Variants in PF4V1 observed in about 807,000 individuals in gnomAD.
PF4V1 encodes platelet factor 4 variant 1, also known as platelet factor 4 variant.
A neutral mutation model predicts 6.9 loss-of-function variants in PF4V1; 4 were observed. The ratio of observed to expected loss-of-function variants is 0.58; its 90% confidence interval spans 0.29 to 1.34. The LOEUF is 1.34. Among genes scored for constraint, PF4V1 ranks in the 40% most tolerant of loss-of-function variants. The pLI, the probability that PF4V1 is intolerant of heterozygous loss-of-function variation, is 0.09. For synonymous variants in PF4V1, 68 were observed against 55.9 expected, an observed-to-expected ratio of 1.22 and a Z score of -0.97; for missense variants, 127 against 128.6, an observed-to-expected ratio of 0.99 and a Z score of 0.06.
Position 73,854,121 on chromosome 4 carries a change from A to G in PF4V1, c.314A>G (p.Ter105TrpextTer5). 2 of 1,608,442 alleles carry G rather than the reference A, an allele frequency of 1.2e-6. No homozygotes were observed. The highest frequency in any genetic ancestry group is 1.7e-6 in the Non-Finnish European group (2 of 1,174,748). Residue 105 changes from the stop codon to tryptophan (W), a stop_lost, in exon 3 of 3, where the codon TAG becomes TGG. Coordinates refer to ENST00000226524, the MANE Select transcript of PF4V1 (RefSeq NM_002620.4). The part of the protein sequence containing the change: ...KKIIKEHLES[*>W] ...ATCATTAAGGAACATTTGGAGAGTT[A>G]GCTACTAGCTGCCTAAGTGTGCACT...
Position 73,854,200 on chromosome 4 carries a change from A to C in PF4V1, c.*78A>C, listed in dbSNP as rs1287325465. The stretch of plus-strand genomic sequence containing the variant: ...ATGTTTGTATTATCCTTCTTATATT[A>C]TATTAACGAAATAAATCAAGTTGTG... On this transcript the variant is annotated 3_prime_UTR_variant, in exon 3 of 3. Coordinates refer to ENST00000226524, the MANE Select transcript of PF4V1 (RefSeq NM_002620.4). The C allele has an allele frequency of 1.0e-5, 10 of 993,002 alleles. No homozygotes were observed. In the Admixed American group the frequency reaches 2.0e-4, roughly 19 times the overall value. The allele number at this position is 993,002 out of a possible 1,614,324, so 61.5% of individuals were successfully genotyped here. A position where few individuals can be genotyped will look rare whatever the true frequency, so the allele number is the denominator to read the frequency against.
At chr4:73,853,561 T>G in intron 1 of PF4V1, 99 bp downstream of exon 1, 1 of 1,415,484 alleles carries the variant, frequency 7.1e-7, no homozygotes, top group South Asian at 1.3e-5. Context: ...TGATCGCAGC[T>G]GCTCTTATTG....
Position 73,853,801 on chromosome 4 carries a change from G to A in PF4V1, c.119G>A (p.Gly40Glu), listed in dbSNP as rs1240639402. Residue 40 changes from glycine to glutamate, a missense_variant, in exon 2 of 3, where the codon GGG becomes GAG. By Grantham distance (98) the Gly-to-Glu change is moderately conservative. Transcript: ENST00000226524. ...AFARAEAEED[G>E]DLQCLCVKTT... ...CCCTCAGCTGAAGCTGAAGAAGATG[G>A]GGACCTGCAGTGCCTGTGTGTGAAG... The A allele has an allele frequency of 2.5e-6, 4 of 1,612,096 alleles. No individual in the cohort carries two copies. Among genetic ancestry groups the A allele is most frequent in the Admixed American group, 3.3e-5 (2 of 59,780 alleles).
intron 2 of PF4V1, 62 bp from the exon 3 acceptor site, chr4:73,853,973 C>A: frequency 1.2e-6 from 2 of 1,609,166 alleles, no homozygotes; most frequent in South Asian, 1.1e-5. Flanking sequence ...ATCCCTCCCC[C>A]TTCTAATGCC....
intron 1 of PF4V1, 38 bp from the exon 2 acceptor site, chr4:73,853,745 C>A: frequency 6.3e-7 from 1 of 1,574,820 alleles, no homozygotes; most frequent in Non-Finnish European, 8.6e-7. Context: ...ACAACTCCCA[C>A]CCCTCCTCCT....
chr4:73,853,511 C>G (rs966560432), intron 1 of PF4V1, 49 bp downstream of exon 1: 1 of 1,548,244 alleles, frequency 6.5e-7, no homozygotes, highest in Non-Finnish European at 8.8e-7. Context: ...GAGGGGGAGT[C>G]CGGGAAGCCC....
At chr4:73,853,581 T>C in intron 1 of PF4V1, 119 bp downstream of exon 1, 1 of 1,346,256 alleles carries the variant, frequency 7.4e-7, no homozygotes, top group South Asian at 1.4e-5. Context: ...GCGCGCGTGC[T>C]GAGTCTGCGG....
In PF4V1 at chr4:73,854,225, G is replaced by A; in HGVS notation, c.*103G>A. 9 of 758,772 alleles carry A rather than the reference G, an allele frequency of 1.2e-5. No homozygotes were observed. The highest frequency in any genetic ancestry group is 2.7e-5 in the East Asian group (1 of 36,718). 47.0% of individuals were successfully genotyped at this position (758,772 alleles called of 1,614,324 possible). A position where few individuals can be genotyped will look rare whatever the true frequency, so the allele number is the denominator to read the frequency against. On this transcript the variant is annotated 3_prime_UTR_variant, in exon 3 of 3. Transcript: ENST00000226524. ...ATATTAACGAAATAAATCAAGTTGT[G>A]GTATAGTCAATCTATTTCTTAATAA...
At position 73,853,476 on chromosome 4, in the gene PF4V1, C is replaced by G. The variant is rs1446414458; in HGVS notation, c.100+14C>G. ...CCTTCGCCAGAGGTGAGAGCAGAAACCAGGCTGGGAGGGCCAGCAGCGGCG... is the reference window on the plus strand; with the variant it reads ...CCTTCGCCAGAGGTGAGAGCAGAAAGCAGGCTGGGAGGGCCAGCAGCGGCG... On this transcript the variant is annotated intron_variant, in intron 1 of 2. Coordinates refer to ENST00000226524, the MANE Select transcript of PF4V1 (RefSeq NM_002620.4). The G allele has an allele frequency of 6.3e-7, 1 of 1,598,386 alleles. No individual in the cohort carries two copies. The highest frequency in any genetic ancestry group is 8.5e-7 in the Non-Finnish European group (1 of 1,171,788).
rs758783882 is a variant in PF4V1, at chr4:73,853,316, C to T, written c.-47C>T. 5.3e-6 allele frequency: 8 copies of T among 1,503,304 alleles called. No homozygotes were observed. The highest frequency in any genetic ancestry group is 2.3e-5 in the South Asian group (2 of 88,382). 93.1% of individuals were successfully genotyped at this position (1,503,304 alleles called of 1,614,324 possible). On this transcript the variant is annotated 5_prime_UTR_variant, in exon 1 of 3. Coordinates refer to ENST00000226524, the MANE Select transcript of PF4V1 (RefSeq NM_002620.4). ...GAGTCACTGCCTGCAGAACCCCAGC[C>T]CGACTTTCCCTGCGCACTGGGATCC... is the stretch of plus-strand genomic sequence containing the variant.
rs776942151 is a variant in PF4V1, at chr4:73,853,461, A to T, written c.99A>T (p.Arg33Ser). 1.2e-6 allele frequency: 2 copies of T among 1,610,092 alleles called. No individual in the cohort carries two copies. The change falls in exon 1 of 3, where the codon AGA (arginine) becomes AGT (serine). Residue 33 changes from arginine to serine, a missense_variant and splice_region_variant. By Grantham distance (110) the Arg-to-Ser change is moderately radical. Coordinates refer to ENST00000226524, the MANE Select transcript of PF4V1 (RefSeq NM_002620.4). ...LLLPVVVAFA[R>S]AEAEEDGDLQ... ...TGCCAGTTGTGGTCGCCTTCGCCAG[A>T]GGTGAGAGCAGAAACCAGGCTGGGA...
Position 73,853,470 on chromosome 4 carries a change from C to G in PF4V1, c.100+8C>G, listed in dbSNP as rs1260802567. The G allele has an allele frequency of 2.5e-6, 4 of 1,604,726 alleles. No individual in the cohort carries two copies. The highest frequency in any genetic ancestry group is 3.4e-6 in the Non-Finnish European group (4 of 1,175,104). On this transcript the variant is annotated splice_region_variant and intron_variant, in intron 1 of 2. Transcript: ENST00000226524. ...TGGTCGCCTTCGCCAGAGGTGAGAGCAGAAACCAGGCTGGGAGGGCCAGCA... is the reference window on the plus strand; with the variant it reads ...TGGTCGCCTTCGCCAGAGGTGAGAGGAGAAACCAGGCTGGGAGGGCCAGCA...
In PF4V1 at chr4:73,853,909, T is replaced by C; in HGVS notation, c.227T>C (p.Ile76Thr). Residue 76 changes from isoleucine to threonine, a missense_variant and splice_region_variant, in exon 2 of 3, where the codon ATA (isoleucine) becomes ACA (threonine). Ile to Thr is a moderately conservative substitution (Grantham distance 89, BLOSUM62 -1). Transcript: ENST00000226524. Reference sequence around the variant, plus strand: ...CCCCACTGCCCCACTGCCCAACTCATGTGAGTCCTCGCACTGCATCAGTTA... The same window carrying C: ...CCCCACTGCCCCACTGCCCAACTCACGTGAGTCCTCGCACTGCATCAGTTA... ...AGPHCPTAQL[I>T]ATLKNGRKIC... is the part of the protein sequence containing the mutation. 1 of 1,603,748 alleles carries C rather than the reference T, an allele frequency of 6.2e-7. No homozygotes were observed. The highest frequency in any genetic ancestry group is 8.5e-7 in the Non-Finnish European group (1 of 1,174,186).
chr4:73,853,449 C>G lies in PF4V1; in HGVS notation c.87C>G (p.Val29=). 6.2e-7 allele frequency: 1 copy of G among 1,613,226 alleles called. No homozygotes were observed. The highest frequency in any genetic ancestry group is 1.1e-5 in the South Asian group (1 of 90,880). ...FLALLLLPVV[V]AFARAEAEED... is the part of the protein sequence containing the mutation. ...CGTTGCTGCTCCTGCCAGTTGTGGT[C>G]GCCTTCGCCAGAGGTGAGAGCAGAA... is the stretch of plus-strand genomic sequence containing the variant. The change falls in exon 1 of 3, where the codon GTC becomes GTG. Residue 29 remains valine (V), a synonymous_variant. Coordinates refer to ENST00000226524, the MANE Select transcript of PF4V1 (RefSeq NM_002620.4).
At position 73,853,406 on chromosome 4, in the gene PF4V1, AGGAGATGCT is replaced by A. The variant is rs769388789; in HGVS notation, c.46_54del (p.Glu16_Leu18del). The A allele has an allele frequency of 1.9e-6, 3 of 1,614,156 alleles. No homozygotes were observed. Among genetic ancestry groups the A allele is most frequent in the Admixed American group, 3.3e-5 (2 of 60,032 alleles). ...TCCCGCCTCACCCGCGCCACCCGCC[AGGAGATGCT>A]GTTCTTGGCGTTGCTGCTCCTGCCA... On this transcript the variant is annotated inframe_deletion, in exon 1 of 3. Coordinates refer to ENST00000226524, the MANE Select transcript of PF4V1 (RefSeq NM_002620.4).
rs768888535 is a variant in PF4V1, at chr4:73,854,012, GTCTCT to G, written c.228-16_228-12del. The G allele has an allele frequency of 4.9e-5, 79 of 1,612,644 alleles. No homozygotes were observed. The highest frequency in any genetic ancestry group is 1.2e-5 in the Non-Finnish European group (14 of 1,179,268). On this transcript the variant is annotated intron_variant, in intron 2 of 2. Transcript: ENST00000226524. ...TGCAAACCCAAGGACTGAAAGTCAC[GTCTCT>G]TCTCTTTTCCCTGCCAGAGCCACGC...
In PF4V1 at chr4:73,853,607, C is replaced by CTGCACG. The variant is rs1472293854; in HGVS notation, c.100+151_100+156dup. 4 of 1,277,194 alleles carry CTGCACG rather than the reference C, an allele frequency of 3.1e-6. No homozygotes were observed. The African/African-American group carries it at 5.9e-5, about 19-fold the overall frequency. 79.1% of individuals were successfully genotyped at this position (1,277,194 alleles called of 1,614,324 possible). A position where few individuals can be genotyped will look rare whatever the true frequency, so the allele number is the denominator to read the frequency against. On this transcript the variant is annotated intron_variant, in intron 1 of 2. Coordinates refer to ENST00000226524, the MANE Select transcript of PF4V1 (RefSeq NM_002620.4). ...GAGTCTGCGGGTACAGTGCCAGGCA[C>CTGCACG]TGCACGTGCACCTCGCCACCTGATC... is the stretch of plus-strand genomic sequence containing the variant.
At position 73,854,123 on chromosome 4, in the gene PF4V1, C is replaced by T. The variant is rs1731491544; in HGVS notation, c.*1C>T. 4 of 1,605,970 alleles carry T rather than the reference C, an allele frequency of 2.5e-6. No homozygotes were observed. The highest frequency in any genetic ancestry group is 3.4e-6 in the Non-Finnish European group (4 of 1,172,660). Reference sequence around the variant, plus strand: ...CATTAAGGAACATTTGGAGAGTTAGCTACTAGCTGCCTAAGTGTGCACTTT... The same window carrying T: ...CATTAAGGAACATTTGGAGAGTTAGTTACTAGCTGCCTAAGTGTGCACTTT... On this transcript the variant is annotated 3_prime_UTR_variant, in exon 3 of 3. Transcript: ENST00000226524.
At chr4:73,853,494 C>A in intron 1 of PF4V1, 32 bp downstream of exon 1, 1 of 1,572,278 alleles carries the variant, frequency 6.4e-7, no homozygotes, top group Non-Finnish European at 8.6e-7. Flanking sequence ...GGAGGGCCAG[C>A]AGCGGCGAGG....
Sources: allele counts gnomAD v4.1 joint callset, GRCh38; gene constraint gnomAD v4.1.1; transcripts MANE v1.5; gene names NCBI Gene and HGNC (gene_info 2026-07-23, HGNC 2026-07-21).